The following FUT5 variants were observed in gnomAD, a reference collection of about 807,000 sequenced individuals.
The protein encoded by FUT5 is fucosyltransferase 5.
Under a neutral mutation model 0.8 loss-of-function variants are expected in FUT5, and 1 was observed. The observed-to-expected ratio is 1.26, with a 90% CI of 0.45 to 5.99. FUT5 has a LOEUF of 5.99. FUT5 is among the 30% of genes most tolerant of loss of function. FUT5 has a pLI of 0.15. For missense variants in FUT5, 437 were observed against 517.8 expected (o/e 0.84, Z 1.51); for synonymous variants, 212 against 225.7 (o/e 0.94, Z 0.54).
Position 5,867,359 on chromosome 19 carries a change from G to A in FUT5, c.367C>T (p.His123Tyr). The change falls in exon 2 of 2, where the codon CAC becomes TAC. Residue 123 changes from histidine to tyrosine, a missense_variant. Around this residue, in one of 2 missense-constraint regions of FUT5, gnomAD observed 261 missense variants for 242.6 expected, o/e 1.08. Transcript: ENST00000588525. The surrounding 1 kb of genome is among the most constrained non-coding windows in gnomAD (Gnocchi z 5.0). ...CTGGGGTTGTACATGATATCCCAGT[G>A]GTGCACGATGACCGCGTCTGCCTGT... ...YPQADAVIVHHWDIMYNPSAN... is the reference protein window; with the variant it reads ...YPQADAVIVHYWDIMYNPSAN... 6.2e-7 allele frequency: 1 copy of A among 1,613,956 alleles called. No homozygotes were observed. Among genetic ancestry groups the A allele is most frequent in the Non-Finnish European group, 8.5e-7 (1 of 1,180,024 alleles).
intron 1 of FUT5, among the ~76,000 whole-genome samples, chr19:5,868,176 G>A (rs1222704523): frequency 6.6e-6 from 1 of 152,134 alleles, no homozygotes; most frequent in Admixed American, 6.5e-5. Flanking sequence ...TGAGGCTGGG[G>A]AGAGGTGGGG....
In FUT5 at chr19:5,867,679, C is replaced by G. The variant is rs1219908335; in HGVS notation, c.47G>C (p.Cys16Ser). Residue 16 changes from cysteine (C) to serine (S), a missense_variant, in exon 2 of 2, where the codon TGT becomes TCT. Transcript: ENST00000588525. This position sits in a 1 kb window ranked among gnomAD's most constrained non-coding sequence, Gnocchi z 5.0. ...PAKPQWLWRR[C>S]LAGLLFQLLV... ...CAGCTGAAACAGCAGCCCGGCCAGA[C>G]AGCGGCGCCACAGCCACTGTGGCTT... 13 of 1,613,076 alleles carry G rather than the reference C, an allele frequency of 8.1e-6. No individual in the cohort carries two copies. The Middle Eastern group carries it at 6.6e-4, about 82-fold the overall frequency.
intron 1 of FUT5, among the ~76,000 whole-genome samples, chr19:5,870,083 A>AG (rs1299611859): frequency 6.6e-6 from 1 of 150,708 alleles, no homozygotes; most frequent in Non-Finnish European, 1.5e-5. Context: ...AAAAAAAAAA[A>AG]AAAAGAAAAA....
Position 5,866,236 on chromosome 19 carries a change from T to G in FUT5, c.*365A>C. 1.2e-5 allele frequency: 5 copies of G among 400,438 alleles called. No individual in the cohort carries two copies. The highest frequency in any genetic ancestry group is 2.4e-5 in the Non-Finnish European group (5 of 212,430). The allele number at this position is 400,438 out of a possible 1,614,324, so 24.8% of individuals were successfully genotyped here. A position where few individuals can be genotyped will look rare whatever the true frequency, so the allele number is the denominator to read the frequency against. On this transcript the variant is annotated 3_prime_UTR_variant, in exon 2 of 2. Coordinates refer to ENST00000588525, the MANE Select transcript of FUT5 (RefSeq NM_002034.2). The surrounding 1 kb of genome is among the most constrained non-coding windows in gnomAD (Gnocchi z 4.9). ...CGGGTGAGGCTCCTAGCAGGTGACATTCAGTGTGGCAAGGTCTCTGGGAGC... is the reference window on the plus strand; with the variant it reads ...CGGGTGAGGCTCCTAGCAGGTGACAGTCAGTGTGGCAAGGTCTCTGGGAGC...
Position 5,867,461 on chromosome 19 carries a change from CG to C in FUT5, c.264del (p.Val89TrpfsTer159). The C allele has an allele frequency of 7.4e-7, 1 of 1,354,606 alleles. No individual in the cohort carries two copies. The highest frequency in any genetic ancestry group is 1.5e-5 in the African/African-American group (1 of 66,006). 83.9% of individuals were successfully genotyped at this position (1,354,606 alleles called of 1,614,324 possible). On this transcript the variant is annotated frameshift_variant, in exon 2 of 2. Coordinates refer to ENST00000588525, the MANE Select transcript of FUT5 (RefSeq NM_002034.2). LOFTEE classifies it low-confidence loss of function (END_TRUNC). This position sits in a 1 kb window ranked among gnomAD's most constrained non-coding sequence, Gnocchi z 5.0. Reference protein sequence around the residue: ...ILLWTWPFNTPVALPRCSEMV... With the variant: ...ILLWTWPFNTXVALPRCSEMV... ...ATCTCTGAGCAGCGGGGCAGAGCCA[CG>C]GGTGTGTTAAAAGGCCACGTCCACA... is the stretch of plus-strand genomic sequence containing the variant.
chr19:5,868,474 C>A (rs1161090360), intron 1 of FUT5, among the ~76,000 whole-genome samples: 1 of 152,084 alleles, frequency 6.6e-6, no homozygotes, highest in Non-Finnish European at 1.5e-5. Context: ...TGAGGTGAGG[C>A]TTGGATGCCA....
chr19:5,868,007 G>A (rs748047914), intron 1 of FUT5, among the ~76,000 whole-genome samples: 39 of 152,108 alleles, frequency 2.6e-4, no homozygotes, highest in Non-Finnish European at 5.1e-4. Flanking sequence ...AAAGCCTGGC[G>A]GGGTGAGACA....
chr19:5,869,672 G>A lies in FUT5; in HGVS notation c.-13+793C>T, dbSNP rs577633857. On this transcript the variant is annotated intron_variant, in intron 1 of 1. Transcript: ENST00000588525. Reference sequence around the variant, plus strand: ...TGCTTATGGTGTCAAATTTCCATACGATTGTTATTTCTTAGTATGAAAGAA... The same window carrying A: ...TGCTTATGGTGTCAAATTTCCATACAATTGTTATTTCTTAGTATGAAAGAA... Among the ~76,000 whole-genome samples the A allele has an allele frequency of 7.9e-5, 12 of 152,176 alleles. No individual in the cohort carries two copies. The South Asian group carries it at 1.9e-3, about 24-fold the overall frequency.
rs1183105282 is a variant in FUT5, at chr19:5,867,954, T to C, written c.-12-217A>G. On this transcript the variant is annotated intron_variant, in intron 1 of 1. Coordinates refer to ENST00000588525, the MANE Select transcript of FUT5 (RefSeq NM_002034.2). The surrounding 1 kb of genome is among the most constrained non-coding windows in gnomAD (Gnocchi z 5.0). ...AAGAGTTCTCCAGATAAGGTAGGAG[T>C]TGAGGGAAAGGGTGTCCGTTGGATG... is the stretch of plus-strand genomic sequence containing the variant. Among the ~76,000 whole-genome samples the C allele has an allele frequency of 3.3e-5, 5 of 151,344 alleles. No homozygotes were observed. The highest frequency in any genetic ancestry group is 7.4e-5 in the Non-Finnish European group (5 of 67,798).
Position 5,866,108 on chromosome 19 carries a change from C to T in FUT5, c.*493G>A. 3.6e-6 allele frequency: 1 copy of T among 280,612 alleles called. No homozygotes were observed. Among genetic ancestry groups the T allele is most frequent in the Non-Finnish European group, 7.0e-6 (1 of 143,524 alleles). 17.4% of individuals were successfully genotyped at this position (280,612 alleles called of 1,614,324 possible). A position where few individuals can be genotyped will look rare whatever the true frequency, so the allele number is the denominator to read the frequency against. ...GTGCACACCACTGCTGATGGTCACA[C>T]ACATACCCTTCGCCCTCCTCCTTAG... On this transcript the variant is annotated 3_prime_UTR_variant, in exon 2 of 2. Coordinates refer to ENST00000588525, the MANE Select transcript of FUT5 (RefSeq NM_002034.2). This position sits in a 1 kb window ranked among gnomAD's most constrained non-coding sequence, Gnocchi z 4.9.
At position 5,869,853 on chromosome 19, in the gene FUT5, T is replaced by TGAGGTCAGGAGTTC. The variant is rs1467329480; in HGVS notation, c.-13+598_-13+611dup. Among the ~76,000 whole-genome samples the TGAGGTCAGGAGTTC allele has an allele frequency of 2.6e-5, 4 of 152,126 alleles. No homozygotes were observed. In the East Asian group the frequency reaches 7.7e-4, roughly 29 times the overall value. On this transcript the variant is annotated intron_variant, in intron 1 of 1. Transcript: ENST00000588525. ...TACCAGCAATATTGGGTGGATCACC[T>TGAGGTCAGGAGTTC]GAGGTCAGGAGTTCGAGGCCAGCCT...
Position 5,867,927 on chromosome 19 carries a change from A to G in FUT5, c.-12-190T>C, listed in dbSNP as rs2057511488. Among the ~76,000 whole-genome samples the G allele has an allele frequency of 1.3e-5, 2 of 152,236 alleles. No homozygotes were observed. The highest frequency in any genetic ancestry group is 1.5e-5 in the Non-Finnish European group (1 of 68,048). ...GATGGGATTAGGTTTTGCAGGTAACATAAGAGTTCTCCAGATAAGGTAGGA... is the reference window on the plus strand; with the variant it reads ...GATGGGATTAGGTTTTGCAGGTAACGTAAGAGTTCTCCAGATAAGGTAGGA... On this transcript the variant is annotated intron_variant, in intron 1 of 1. Coordinates refer to ENST00000588525, the MANE Select transcript of FUT5 (RefSeq NM_002034.2). This position sits in a 1 kb window ranked among gnomAD's most constrained non-coding sequence, Gnocchi z 5.0.
In FUT5 at chr19:5,867,395, T is replaced by C. The variant is rs550781895; in HGVS notation, c.331A>G (p.Ser111Gly). 12 of 1,613,470 alleles carry C rather than the reference T, an allele frequency of 7.4e-6. No homozygotes were observed. The South Asian group carries it at 1.1e-4, about 15-fold the overall frequency. The change falls in exon 2 of 2, where the codon AGT (serine) becomes GGT (glycine). Residue 111 changes from serine (S) to glycine (G), a missense_variant. Around this residue, in one of 2 missense-constraint regions of FUT5, gnomAD observed 261 missense variants for 242.6 expected, o/e 1.08. Coordinates refer to ENST00000588525, the MANE Select transcript of FUT5 (RefSeq NM_002034.2). The surrounding 1 kb of genome is among the most constrained non-coding windows in gnomAD (Gnocchi z 5.0). ...ACCGCGTCTGCCTGTGGGTACACAC[T>C]GGAGTCGGCAGTGATGTTGCAGTCG... ...AADCNITADS[S>G]VYPQADAVIV...
chr19:5,867,143 G>A lies in FUT5; in HGVS notation c.583C>T (p.Pro195Ser), dbSNP rs140776824. The change falls in exon 2 of 2, where the codon CCA (proline) becomes TCA (serine). Residue 195 changes from proline (P) to serine (S), a missense_variant. Pro to Ser is a moderately conservative substitution (Grantham distance 74). Around this residue, in one of 2 missense-constraint regions of FUT5, gnomAD observed 176 missense variants for 275.2 expected, o/e 0.64. Coordinates refer to ENST00000588525, the MANE Select transcript of FUT5 (RefSeq NM_002034.2). This position sits in a 1 kb window ranked among gnomAD's most constrained non-coding sequence, Gnocchi z 5.0. ...LEPWSGQPAH[P>S]PLNLSAKTEL... ...GTCTTGGCCGAGAGGTTGAGCGGTGGGTGGGCAGGCTGGCCGGACCACGGC... is the reference window on the plus strand; with the variant it reads ...GTCTTGGCCGAGAGGTTGAGCGGTGAGTGGGCAGGCTGGCCGGACCACGGC... 91,544 of 1,612,622 alleles carry A rather than the reference G, an allele frequency of 0.057. 3,142 individuals carry two copies. The highest frequency in any genetic ancestry group is 0.071 in the Middle Eastern group (425 of 6,026).
At position 5,866,772 on chromosome 19, in the gene FUT5, G is replaced by T. The variant is rs2057504991; in HGVS notation, c.954C>A (p.Tyr318Ter). Residue 318 changes from tyrosine (Y) to a stop codon, truncating the protein, a stop_gained, in exon 2 of 2, where the codon TAC becomes TAA. Coordinates refer to ENST00000588525, the MANE Select transcript of FUT5 (RefSeq NM_002034.2). LOFTEE classifies it low-confidence loss of function (END_TRUNC). The surrounding 1 kb of genome is among the most constrained non-coding windows in gnomAD (Gnocchi z 4.9). ...CGTGGTCCTTGTCCAGCTCCTGCAG[G>T]TACCGGGCCAGGTCCTTGGGGCTCT... ...DFQSPKDLAR[Y>*]LQELDKDHAR... 6.2e-7 allele frequency: 1 copy of T among 1,600,044 alleles called. No homozygotes were observed. Among genetic ancestry groups the T allele is most frequent in the Non-Finnish European group, 8.5e-7 (1 of 1,173,880 alleles).
At position 5,869,478 on chromosome 19, in the gene FUT5, TGGCCTCAAATGATCCACCTGCCTC is replaced by T. The variant is rs1205028628; in HGVS notation, c.-13+963_-13+986del. On this transcript the variant is annotated intron_variant, in intron 1 of 1. Coordinates refer to ENST00000588525, the MANE Select transcript of FUT5 (RefSeq NM_002034.2). Reference sequence around the variant, plus strand: ...GTTGGTCAGACTGGTCTTGAACTCCTGGCCTCAAATGATCCACCTGCCTCGGCCTCCCAAAGTGCTGGGATTACA... The same window carrying T: ...GTTGGTCAGACTGGTCTTGAACTCCTGGCCTCCCAAAGTGCTGGGATTACA... 2.0e-5 allele frequency among the ~76,000 whole-genome samples: 3 copies of T among 151,578 alleles called. No homozygotes were observed. In the East Asian group the frequency reaches 5.8e-4, roughly 29 times the overall value.
rs1374307720 is a variant in FUT5, at chr19:5,868,423, CGGA to C, written c.-12-689_-12-687del. On this transcript the variant is annotated intron_variant, in intron 1 of 1. Transcript: ENST00000588525. ...CCTTCAAAGAGGCTAAGAGGGCGAC[CGGA>C]GGAGGAGGAGGGAACCCGAACCATG... is the stretch of plus-strand genomic sequence containing the variant. Among the ~76,000 whole-genome samples the C allele has an allele frequency of 4.6e-5, 7 of 152,106 alleles. 1 individual carries two copies. The highest frequency in any genetic ancestry group is 2.0e-4 in the Admixed American group (3 of 15,282).
intron 1 of FUT5, among the ~76,000 whole-genome samples, chr19:5,868,117 T>C (rs952965277): frequency 1.3e-5 from 2 of 152,148 alleles, no homozygotes; most frequent in African/African-American, 4.8e-5. Context: ...ACACTCAAAG[T>C]TAACCCCTCT....
rs377553603 is a variant in FUT5, at chr19:5,866,490, G to T, written c.*111C>A. 4 of 1,122,876 alleles carry T rather than the reference G, an allele frequency of 3.6e-6. No homozygotes were observed. Among genetic ancestry groups the T allele is most frequent in the Non-Finnish European group, 4.9e-6 (4 of 817,490 alleles). 69.6% of individuals were successfully genotyped at this position (1,122,876 alleles called of 1,614,324 possible). A position where few individuals can be genotyped will look rare whatever the true frequency, so the allele number is the denominator to read the frequency against. On this transcript the variant is annotated 3_prime_UTR_variant, in exon 2 of 2. Transcript: ENST00000588525. The surrounding 1 kb of genome is among the most constrained non-coding windows in gnomAD (Gnocchi z 4.9). ...GCAGGTGAGACCCCAGGCAGCCGAG[G>T]CCCCAGGCAGCCGAGGCCCCAGGTA...
Sources: gnomAD v4.1 joint callset for allele counts (sites outside exome capture counted in the v4.1 genomes callset) on GRCh38, gnomAD v4.1.1 for gene constraint, gnomAD v4.1.1 regional missense constraint, Gnocchi (gnomAD v3.1) non-coding constraint, MANE v1.5 for transcripts, NCBI Gene and HGNC (gene_info 2026-07-23, HGNC 2026-07-21) for gene names.